The following RPS27 variants were observed in gnomAD, a reference collection of about 807,000 sequenced individuals.
RPS27 encodes small ribosomal subunit protein eS27.
A neutral mutation model predicts 11.8 loss-of-function variants in RPS27; 1 was observed. That is an observed-to-expected ratio of 0.08 (90% CI 0.03 to 0.40). RPS27 has a LOEUF of 0.40. RPS27 is among the 10% of genes least tolerant of loss of function. The probability of loss-of-function intolerance (pLI) is 0.98; values close to 1 mark genes in which losing one functional copy is unlikely to be tolerated. For synonymous variants in RPS27, 42 were observed against 33.8 expected, an observed-to-expected ratio of 1.24 and a Z score of -0.84; for missense variants, 44 against 100.1, an observed-to-expected ratio of 0.44 and a Z score of 2.39.
chr1:153,991,507 A>G lies in RPS27; in HGVS notation c.116-59A>G, dbSNP rs114120114. 30,492 of 1,406,790 alleles carry G rather than the reference A, an allele frequency of 0.022. 417 individuals carry two copies. The highest frequency in any genetic ancestry group is 0.025 in the Non-Finnish European group (25,176 of 998,628). 87.1% of individuals were successfully genotyped at this position (1,406,790 alleles called of 1,614,324 possible). A position where few individuals can be genotyped will look rare whatever the true frequency, so the allele number is the denominator to read the frequency against. ...CAATGTAATGGATGATGAGTTGGGC[A>G]TAAGTGCAGGAAAGACGGGTGTAAT... On this transcript the variant is annotated intron_variant, in intron 2 of 3. Transcript: ENST00000651669.
At chr1:153,991,972 C>CTGTGGGT in intron 3 of RPS27, 93 bp from the exon 4 acceptor site, 1 of 1,134,138 alleles carries the variant, frequency 8.8e-7, no homozygotes. Context: ...ATGTAGCTTT[C>CTGTGGGT]TGTGGGTGGA....
chr1:153,991,346 AAT>A, intron 2 of RPS27, 123 bp downstream of exon 2: 1 of 1,517,564 alleles, frequency 6.6e-7, no homozygotes, highest in Non-Finnish European at 8.8e-7. Context: ...GCCTGTGGAA[AAT>A]ATTTTCCCTG....
intron 2 of RPS27, 133 bp downstream of exon 2, chr1:153,991,356 C>T (rs199863785): frequency 6.0e-6 from 9 of 1,512,352 alleles, no homozygotes; most frequent in African/African-American, 2.8e-5. Context: ...AATATTTTCC[C>T]TGATACTCTT....
rs867799302 is a variant in RPS27 at position 153,990,764 on chromosome 1, T to C, written c.-33T>C. ...GGGGCAGGATTTCCGCTTTCGCTCC[T>C]TTCCGGCGGTGACGACCTACGCACA... On this transcript the variant is annotated 5_prime_UTR_variant, in exon 1 of 4. Coordinates refer to ENST00000651669, the MANE Select transcript of RPS27 (RefSeq NM_001030.6). 6.2e-7 allele frequency: 1 copy of C among 1,614,200 alleles called. No homozygotes were observed. Among genetic ancestry groups the C allele is most frequent in the Non-Finnish European group, 8.5e-7 (1 of 1,180,012 alleles).
chr1:153,991,963 T>C lies in RPS27; in HGVS notation c.227-102T>C, dbSNP rs1335886507. ...GGTAGCTAAGAGTTGAGAAAAAAGA[T>C]GTAGCTTTCTGTGGGTGGATCATCA... On this transcript the variant is annotated intron_variant, in intron 3 of 3. Coordinates refer to ENST00000651669, the MANE Select transcript of RPS27 (RefSeq NM_001030.6). The C allele has an allele frequency of 6.6e-6, 7 of 1,067,214 alleles. No individual in the cohort carries two copies. The African/African-American group carries it at 1.1e-4, about 17-fold the overall frequency. The allele number at this position is 1,067,214 out of a possible 1,614,324, so 66.1% of individuals were successfully genotyped here.
chr1:153,990,971 G>T, intron 1 of RPS27, 144 bp from the exon 2 acceptor site: 1 of 1,203,664 alleles, frequency 8.3e-7, no homozygotes, highest in Non-Finnish European at 1.2e-6. Context: ...CGGGAGCGGA[G>T]AGGAGATAAG....
chr1:153,990,794 A>T lies in RPS27; in HGVS notation c.-3A>T. On this transcript the variant is annotated 5_prime_UTR_variant, in exon 1 of 4. Transcript: ENST00000651669. ...GGCGGTGACGACCTACGCACACGAG[A>T]ACATGCCTGTGAGTGCTTTGGTCCA... 6.2e-7 allele frequency: 1 copy of T among 1,614,222 alleles called. No homozygotes were observed. The highest frequency in any genetic ancestry group is 8.5e-7 in the Non-Finnish European group (1 of 1,180,032).
intron 2 of RPS27, 102 bp downstream of exon 2, chr1:153,991,325 TC>T: frequency 6.5e-7 from 1 of 1,528,660 alleles, no homozygotes; most frequent in South Asian, 1.2e-5. Context: ...TGCAGCAGCT[TC>T]AGTTTCTTCG....
At position 153,991,153 on chromosome 1, in the gene RPS27, G is replaced by A. The variant is rs760603632; in HGVS notation, c.45G>A (p.Glu15=). The A allele has an allele frequency of 6.9e-6, 11 of 1,598,100 alleles. No individual in the cohort carries two copies. Among genetic ancestry groups the A allele is most frequent in the East Asian group, 6.7e-5 (3 of 44,730 alleles). Residue 15 remains glutamate, a synonymous_variant, in exon 2 of 4, where the codon GAG becomes GAA. Transcript: ENST00000651669. ...KDLLHPSPEE[E]KRKHKKKRLV... ...TCCTTCATCCCTCTCCAGAAGAGGA[G>A]AAGAGGAAACACAAGAAGAAACGCC...
In RPS27 at chr1:153,991,151, G is replaced by A; in HGVS notation, c.43G>A (p.Glu15Lys). 2 of 1,597,694 alleles carry A rather than the reference G, an allele frequency of 1.3e-6. No individual in the cohort carries two copies. Among genetic ancestry groups the A allele is most frequent in the Non-Finnish European group, 1.7e-6 (2 of 1,170,330 alleles). Residue 15 changes from glutamate (E) to lysine (K), a missense_variant, in exon 2 of 4, where the codon GAG (glutamate) becomes AAG (lysine). By Grantham distance (56) the Glu-to-Lys change is moderately conservative. Around this residue, in one of 2 missense-constraint regions of RPS27, gnomAD observed 21 missense variants for 16.2 expected, o/e 1.29. Coordinates refer to ENST00000651669, the MANE Select transcript of RPS27 (RefSeq NM_001030.6). ...TCTCCTTCATCCCTCTCCAGAAGAG[G>A]AGAAGAGGAAACACAAGAAGAAACG... ...KDLLHPSPEE[E>K]KRKHKKKRLV...
At chr1:153,992,037 A>T in intron 3 of RPS27, 28 bp from the exon 4 acceptor site, 1 of 1,611,628 alleles carries the variant, frequency 6.2e-7, no homozygotes, top group Non-Finnish European at 8.5e-7. Flanking sequence ...TACTGATGAC[A>T]GCTAATCTCT....
intron 3 of RPS27, 132 bp downstream of exon 3, chr1:153,991,808 A>G: frequency 1.4e-6 from 1 of 695,096 alleles, no homozygotes; most frequent in Non-Finnish European, 2.5e-6. Context: ...GAAGTGTTGG[A>G]TTTGGTTGTT....
chr1:153,990,931 C>T, intron 1 of RPS27, 129 bp downstream of exon 1: 5 of 1,395,980 alleles, frequency 3.6e-6, no homozygotes, highest in Middle Eastern at 1.8e-4. Flanking sequence ...ACTCCAGGGA[C>T]CGCAGCGGCC....
chr1:153,990,827 G>A (rs1188719743), intron 1 of RPS27, 25 bp downstream of exon 1: 1 of 1,614,070 alleles, frequency 6.2e-7, no homozygotes, highest in Non-Finnish European at 8.5e-7. Context: ...CCAGGTTTCG[G>A]CGGAGATCTC....
intron 1 of RPS27, 64 bp from the exon 2 acceptor site, chr1:153,991,051 G>A: frequency 7.6e-7 from 1 of 1,322,586 alleles, no homozygotes; most frequent in Non-Finnish European, 1.0e-6. Flanking sequence ...GACAGTGGGG[G>A]CTATTTTCGA....
chr1:153,990,951 C>T, intron 1 of RPS27, 149 bp downstream of exon 1: 6 of 1,294,354 alleles, frequency 4.6e-6, no homozygotes, highest in Non-Finnish European at 6.7e-6. Flanking sequence ...CCACGGGCCA[C>T]CCGCATAGAC....
At chr1:153,991,293 C>G in intron 2 of RPS27, 70 bp downstream of exon 2, 1 of 1,555,938 alleles carries the variant, frequency 6.4e-7, no homozygotes, top group Non-Finnish European at 8.7e-7. Flanking sequence ...GTAGTGTTAG[C>G]TGTCTCGTAT....
intron 2 of RPS27, 55 bp from the exon 3 acceptor site, chr1:153,991,511 G>A (rs942420547): frequency 1.4e-6 from 2 of 1,410,322 alleles, no homozygotes; most frequent in African/African-American, 2.9e-5. Context: ...TTGGGCATAA[G>A]TGCAGGAAAG....
At chr1:153,991,469 T>C (rs1359466203) in intron 2 of RPS27, 97 bp from the exon 3 acceptor site, 1 of 1,363,642 alleles carries the variant, frequency 7.3e-7, no homozygotes, top group African/African-American at 1.4e-5. Context: ...CTACGTTTTT[T>C]TGTGTTGGGA....
Sources: allele counts gnomAD v4.1 joint callset, GRCh38; gene constraint gnomAD v4.1.1; regional missense constraint gnomAD v4.1.1; transcripts MANE v1.5; gene names NCBI Gene and HGNC (gene_info 2026-07-23, HGNC 2026-07-21).